The following NKD1 variants were observed in gnomAD, a reference collection of about 807,000 sequenced individuals.
NKD1 encodes the protein NKD inhibitor of Wnt signaling pathway 1, also known as protein naked cuticle homolog 1.
A neutral mutation model predicts 56.0 loss-of-function variants in NKD1; 21 were observed. The ratio of observed to expected loss-of-function variants is 0.38; its 90% CI spans 0.27 to 0.54. NKD1 has a LOEUF of 0.54. NKD1 is among the 20% of genes least tolerant of loss of function. NKD1 has a pLI of 0.82. For synonymous variants in NKD1, 263 were observed against 265.7 expected (o/e 0.99, Z 0.10); for missense variants, 578 against 642.7 (o/e 0.90, Z 1.09).
At chr16:50,584,113 C>A (rs1961177156) in intron 3 of NKD1, among the ~76,000 whole-genome samples, 1 of 152,172 alleles carries the variant, frequency 6.6e-6, no homozygotes, top group Non-Finnish European at 1.5e-5. Flanking sequence ...CTGGGTTGAT[C>A]TGGGCTGGGC....
intron 6 of NKD1, among the ~76,000 whole-genome samples, chr16:50,626,223 G>A (rs1397260365): frequency 6.6e-6 from 1 of 152,218 alleles, no homozygotes; most frequent in Non-Finnish European, 1.5e-5. Flanking sequence ...TGCATATTGA[G>A]CACCAACTGT....
chr16:50,558,166 T>C (rs760086506), intron 3 of NKD1: 2 of 152,258 alleles, frequency 1.3e-5, no homozygotes, highest in Non-Finnish European at 2.9e-5. Context: ...AAAATTATTG[T>C]TAACCAATTA....
At chr16:50,578,549 C>A (rs541820367) in intron 3 of NKD1, among the ~76,000 whole-genome samples, 1 of 152,160 alleles carries the variant, frequency 6.6e-6, no homozygotes, top group South Asian at 2.1e-4. Context: ...TTTTACTGTG[C>A]GGAGTGATGT....
intron 3 of NKD1, among the ~76,000 whole-genome samples, chr16:50,554,236 G>A (rs1391243086): frequency 2.0e-5 from 3 of 152,100 alleles, no homozygotes; most frequent in Non-Finnish European, 2.9e-5. Flanking sequence ...CCTGCTGTGG[G>A]TCCTGCAAGG....
chr16:50,562,401 C>T (rs1309065014), intron 3 of NKD1: 2 of 370,374 alleles, frequency 5.4e-6, no homozygotes, highest in Non-Finnish European at 7.5e-6. Flanking sequence ...TCATTTTGTA[C>T]ATTTTTAGGT....
chr16:50,630,442 G>A, intron 7 of NKD1, 109 bp downstream of exon 7: 1 of 1,272,908 alleles, frequency 7.9e-7, no homozygotes. Flanking sequence ...TGGGGCAGCT[G>A]CTTTGTGGAC....
intron 3 of NKD1, chr16:50,574,045 T>G (rs1960941551): frequency 1.2e-6 from 1 of 867,646 alleles, no homozygotes; most frequent in African/African-American, 2.0e-5. Flanking sequence ...TCAGTACTTT[T>G]TGAAATAGTC....
chr16:50,581,634 C>A (rs571050456), intron 3 of NKD1, among the ~76,000 whole-genome samples: 1 of 152,228 alleles, frequency 6.6e-6, no homozygotes, highest in Non-Finnish European at 1.5e-5. Context: ...AGAGGCACCT[C>A]GGATGGAGAG....
chr16:50,608,535 A>G, intron 4 of NKD1, 175 bp downstream of exon 4: 1 of 642,324 alleles, frequency 1.6e-6, no homozygotes, highest in Non-Finnish European at 2.9e-6. Flanking sequence ...AGTAAGAGAC[A>G]GGTGTGGTAC....
intron 4 of NKD1, among the ~76,000 whole-genome samples, chr16:50,610,270 G>A (rs533185240): frequency 1.1e-4 from 17 of 152,216 alleles, no homozygotes; most frequent in South Asian, 2.1e-4. Context: ...GGTGAAAACC[G>A]TAAATAAGGC....
At position 50,625,563 on chromosome 16, in the gene NKD1, G is replaced by A. The variant is rs1236278122; in HGVS notation, c.445G>A (p.Gly149Ser). 4.3e-6 allele frequency: 7 copies of A among 1,612,916 alleles called. No individual in the cohort carries two copies. The highest frequency in any genetic ancestry group is 1.7e-5 in the Admixed American group (1 of 60,028). The change falls in exon 6 of 10, where the codon GGC becomes AGC. Residue 149 changes from glycine (G) to serine (S), a missense_variant. Gly to Ser is a moderately conservative substitution (Grantham distance 56). Coordinates refer to ENST00000268459, the MANE Select transcript of NKD1 (RefSeq NM_033119.5). Reference sequence around the variant, plus strand: ...CACCCTGTATGACTTTGACAACAACGGCAAGGTCACCCGAGAGGTGAGTGC... The same window carrying A: ...CACCCTGTATGACTTTGACAACAACAGCAAGGTCACCCGAGAGGTGAGTGC... ...TFTLYDFDNN[G>S]KVTREDITSL...
At chr16:50,554,326 G>T (rs1267806146) in intron 3 of NKD1, among the ~76,000 whole-genome samples, 4 of 152,200 alleles carry the variant, frequency 2.6e-5, no homozygotes, top group Non-Finnish European at 4.4e-5. Flanking sequence ...GATGGACAGT[G>T]TTGTTGTTTG....
At chr16:50,591,269 C>T (rs909983595) in intron 3 of NKD1, among the ~76,000 whole-genome samples, 1 of 152,224 alleles carries the variant, frequency 6.6e-6, no homozygotes, top group Non-Finnish European at 1.5e-5. Flanking sequence ...CTTCTCTCTC[C>T]ATCTGTAGCC....
chr16:50,595,439 G>A (rs1961452271), intron 3 of NKD1, among the ~76,000 whole-genome samples: 1 of 152,266 alleles, frequency 6.6e-6, no homozygotes, highest in East Asian at 1.9e-4. Flanking sequence ...TCTGAACAAA[G>A]GCTCTGGCCT....
At chr16:50,586,629 C>T (rs765669574) in intron 3 of NKD1, among the ~76,000 whole-genome samples, 22 of 152,216 alleles carry the variant, frequency 1.4e-4, no homozygotes, top group Non-Finnish European at 2.8e-4. Context: ...GGAGCACACC[C>T]ACCTTCTGGT....
chr16:50,582,905 G>T (rs570610633), intron 3 of NKD1, among the ~76,000 whole-genome samples: 22 of 152,328 alleles, frequency 1.4e-4, no homozygotes, highest in Admixed American at 4.6e-4. Context: ...TACTTGGGAG[G>T]CTGAGGCAGG....
intron 5 of NKD1, among the ~76,000 whole-genome samples, chr16:50,622,536 TAG>T (rs1962116152): frequency 1.3e-5 from 2 of 152,284 alleles, no homozygotes; most frequent in East Asian, 3.9e-4. Context: ...GGCATAGCTC[TAG>T]AGTCAGCAGG....
At chr16:50,568,522 T>G (rs1167143106) in intron 3 of NKD1, among the ~76,000 whole-genome samples, 3 of 152,192 alleles carry the variant, frequency 2.0e-5, no homozygotes, top group Non-Finnish European at 4.4e-5. Flanking sequence ...GCTTCCTCAT[T>G]TATTCAGTCC....
At chr16:50,579,474 C>T (rs540322867) in intron 3 of NKD1, among the ~76,000 whole-genome samples, 4 of 131,414 alleles carry the variant, frequency 3.0e-5, no homozygotes, top group South Asian at 2.6e-4. Context: ...CTTAGTCCTG[C>T]GGGCTACCCG....
Sources: allele counts gnomAD v4.1 joint callset (sites outside exome capture counted in the v4.1 genomes callset), GRCh38; gene constraint gnomAD v4.1.1; transcripts MANE v1.5; gene names NCBI Gene and HGNC (gene_info 2026-07-23, HGNC 2026-07-21).